The following FAM13A variants were observed in gnomAD, a reference collection of about 807,000 sequenced individuals.
FAM13A encodes the protein family with sequence similarity 13 member A.
FAM13A carries 76 observed loss-of-function variants against 129.6 expected under a neutral mutation model. The observed-to-expected ratio is 0.59, with a 90% CI of 0.49 to 0.71. FAM13A has a LOEUF of 0.71. FAM13A is among the 30% of genes least tolerant of loss of function. FAM13A has a pLI of 0.00. For synonymous variants in FAM13A, 443 were observed against 449.9 expected (o/e 0.98, Z 0.20); for missense variants, 1,108 against 1,249.3 (o/e 0.89, Z 1.70).
At chr4:89,023,043 A>G (rs1165434814) in intron 2 of FAM13A, among the ~76,000 whole-genome samples, 1 of 152,226 alleles carries the variant, frequency 6.6e-6, no homozygotes, top group Non-Finnish European at 1.5e-5. Context: ...TGACCCACAG[A>G]AACTATGAGA....
intron 11 of FAM13A, among the ~76,000 whole-genome samples, chr4:88,773,748 T>C (rs887761429): frequency 1.1e-4 from 17 of 152,202 alleles, no homozygotes; most frequent in Non-Finnish European, 1.0e-4. Flanking sequence ...CATCTCTCCC[T>C]TGACCTCCAG....
At chr4:88,978,565 C>T (rs551652515) in intron 4 of FAM13A, among the ~76,000 whole-genome samples, 17 of 152,246 alleles carry the variant, frequency 1.1e-4, no homozygotes, top group African/African-American at 2.6e-4. Context: ...GAGGCCGAGG[C>T]GGGCAGATCA....
intron 4 of FAM13A, among the ~76,000 whole-genome samples, chr4:88,940,482 A>T (rs1754568112): frequency 6.6e-6 from 1 of 152,242 alleles, no homozygotes; most frequent in African/African-American, 2.4e-5. Context: ...TTACAGTAAA[A>T]TGCAAGAGGA....
At chr4:89,025,819 C>A (rs924395073) in intron 2 of FAM13A, among the ~76,000 whole-genome samples, 1 of 152,004 alleles carries the variant, frequency 6.6e-6, no homozygotes, top group Non-Finnish European at 1.5e-5. Context: ...TATATATACA[C>A]GAAACATCTT....
intron 6 of FAM13A, among the ~76,000 whole-genome samples, chr4:88,877,378 C>T (rs1028602527): frequency 3.9e-5 from 6 of 152,084 alleles, no homozygotes; most frequent in Non-Finnish European, 8.8e-5. Context: ...ATTTATCATA[C>T]TGAATAACAT....
intron 4 of FAM13A, among the ~76,000 whole-genome samples, chr4:88,981,850 C>T (rs951479313): frequency 6.6e-6 from 1 of 152,180 alleles, no homozygotes; most frequent in Admixed American, 6.5e-5. Flanking sequence ...CAAAAAAAGT[C>T]CATGTCTCTT....
intron 2 of FAM13A, among the ~76,000 whole-genome samples, chr4:89,025,529 G>T (rs181518714): frequency 0.015 from 2,230 of 152,052 alleles, 59 homozygotes; most frequent in African/African-American, 0.051. Flanking sequence ...CTCCCAAAGT[G>T]CTGGGATTAC....
intron 2 of FAM13A, among the ~76,000 whole-genome samples, chr4:89,025,516 G>A (rs938563458): frequency 5.3e-5 from 8 of 151,214 alleles, no homozygotes; most frequent in Non-Finnish European, 1.2e-4. Flanking sequence ...CACCCGCCTC[G>A]GCCTCCCAAA....
intron 6 of FAM13A, chr4:88,855,750 G>T (rs1738377804): frequency 6.6e-6 from 1 of 150,450 alleles, no homozygotes. Context: ...AATTAACCCT[G>T]ATAAATTAAT....
chr4:88,947,772 A>T (rs2148861248), intron 4 of FAM13A, among the ~76,000 whole-genome samples: 2 of 152,070 alleles, frequency 1.3e-5, no homozygotes, highest in Admixed American at 1.3e-4. Context: ...TAGAATCCCA[A>T]ATGCAGCTAA....
At chr4:89,014,678 C>T (rs146417665) in intron 3 of FAM13A, among the ~76,000 whole-genome samples, 43 of 152,340 alleles carry the variant, frequency 2.8e-4, no homozygotes, top group Middle Eastern at 3.4e-3. Flanking sequence ...ATTTCATGTA[C>T]ATTTATCACT....
intron 5 of FAM13A, among the ~76,000 whole-genome samples, chr4:88,913,664 CAATA>C (rs1481785171): frequency 6.6e-6 from 1 of 152,296 alleles, no homozygotes; most frequent in East Asian, 1.9e-4. Flanking sequence ...AGCAGGAACT[CAATA>C]AATGTGTGTT....
intron 4 of FAM13A, among the ~76,000 whole-genome samples, chr4:88,962,944 T>C (rs751770158): frequency 2.1e-5 from 3 of 141,604 alleles, no homozygotes; most frequent in Admixed American, 7.2e-5. Context: ...CACAGTAGCA[T>C]GTATGAATAT....
Position 88,737,572 on chromosome 4 carries a change from C to T in FAM13A, c.2563-17G>A. ...GGGGGAACCCTGTGACAGGTGTTAA[C>T]AAGTAGGTTACATTCCGAACCCCTT... On this transcript the variant is annotated splice_polypyrimidine_tract_variant and intron_variant, in intron 20 of 23. Coordinates refer to ENST00000264344, the MANE Select transcript of FAM13A (RefSeq NM_014883.4). 6.2e-7 allele frequency: 1 copy of T among 1,609,894 alleles called. No homozygotes were observed.
At chr4:88,948,920 A>C (rs1295254980) in intron 4 of FAM13A, among the ~76,000 whole-genome samples, 1 of 152,248 alleles carries the variant, frequency 6.6e-6, no homozygotes, top group African/African-American at 2.4e-5. Flanking sequence ...TGCTTTGCAA[A>C]CTGGTATTAA....
chr4:88,812,341 G>C (rs1729803408), intron 7 of FAM13A, among the ~76,000 whole-genome samples: 2 of 151,980 alleles, frequency 1.3e-5, no homozygotes, highest in South Asian at 4.1e-4. Flanking sequence ...TCTTTCACAG[G>C]GGCAATACTA....
chr4:88,998,216 A>T (rs1763809049), intron 3 of FAM13A, among the ~76,000 whole-genome samples: 2 of 152,208 alleles, frequency 1.3e-5, no homozygotes, highest in African/African-American at 4.8e-5. Flanking sequence ...GTGAGATAAT[A>T]AATTTGCAAT....
At chr4:88,790,898 C>T (rs1725005395) in intron 8 of FAM13A, among the ~76,000 whole-genome samples, 2 of 152,108 alleles carry the variant, frequency 1.3e-5, no homozygotes, top group South Asian at 4.1e-4. Context: ...CATCTCTTAG[C>T]TGTCAACCTA....
At chr4:88,732,899 AAAT>A (rs1482997683) in intron 21 of FAM13A, among the ~76,000 whole-genome samples, 3 of 151,984 alleles carry the variant, frequency 2.0e-5, no homozygotes, top group Admixed American at 6.6e-5. Flanking sequence ...GCAAATAGAA[AAAT>A]AATAAAGCCA....
Sources: gnomAD v4.1 joint callset for allele counts (sites outside exome capture counted in the v4.1 genomes callset) on GRCh38, gnomAD v4.1.1 for gene constraint, MANE v1.5 for transcripts, NCBI Gene and HGNC (gene_info 2026-07-23, HGNC 2026-07-21) for gene names.